The following ETV6 variants were observed in gnomAD, a reference collection of about 807,000 sequenced individuals.
ETV6 encodes transcription factor ETV6.
In ETV6, 16 loss-of-function variants were observed where a neutral mutation model predicts 51.1. That is an observed-to-expected ratio of 0.31 (90% CI 0.21 to 0.48). The LOEUF (loss-of-function observed/expected upper bound fraction) is 0.48. Ranked by LOEUF, ETV6 falls within the 20% of genes least tolerant of loss-of-function variation. The pLI is 0.99. For missense variants in ETV6, 458 were observed against 594.8 expected (o/e 0.77, Z 2.39); for synonymous variants, 240 against 224.1 (o/e 1.07, Z -0.64).
intron 1 of ETV6, among the ~76,000 whole-genome samples, chr12:11,669,416 T>TC (rs1864267200): frequency 2.2e-5 from 3 of 135,966 alleles, no homozygotes; most frequent in South Asian, 2.6e-4. Context: ...CCTCCCTTCC[T>TC]CCTTCCTTTC....
intron 1 of ETV6, among the ~76,000 whole-genome samples, chr12:11,690,127 G>A (rs1033229808): frequency 6.6e-6 from 1 of 151,736 alleles, no homozygotes; most frequent in East Asian, 1.9e-4. Flanking sequence ...CACTGCAGAC[G>A]CCAGGAAGAA....
intron 1 of ETV6, among the ~76,000 whole-genome samples, chr12:11,722,425 T>C (rs1865404992): frequency 6.6e-6 from 1 of 152,204 alleles, no homozygotes. Flanking sequence ...CTGCTAGGCA[T>C]TGTTGGAAGC....
chr12:11,763,654 T>C (rs1036408175), intron 2 of ETV6, among the ~76,000 whole-genome samples: 2 of 152,256 alleles, frequency 1.3e-5, no homozygotes, highest in Non-Finnish European at 2.9e-5. Flanking sequence ...GTCTTATAGC[T>C]GTTATTCCAG....
intron 3 of ETV6, among the ~76,000 whole-genome samples, chr12:11,845,040 A>G (rs2136474248): frequency 6.6e-6 from 1 of 152,274 alleles, no homozygotes; most frequent in Middle Eastern, 3.4e-3. Flanking sequence ...CGTGTTGGCC[A>G]GGATGATCTC....
chr12:11,796,406 A>G (rs1945677226), intron 2 of ETV6, among the ~76,000 whole-genome samples: 1 of 152,218 alleles, frequency 6.6e-6, no homozygotes, highest in Non-Finnish European at 1.5e-5. Flanking sequence ...CCAACAGCCC[A>G]TAACAGATGA....
At chr12:11,784,862 ATTTTT>A (rs34004409) in intron 2 of ETV6, among the ~76,000 whole-genome samples, 20 of 85,758 alleles carry the variant, frequency 2.3e-4, no homozygotes, top group Non-Finnish European at 3.6e-4. Context: ...TGCCTTGCTA[ATTTTT>A]TTTTTTTTTT....
rs1448066323 is a variant in ETV6, at chr12:11,650,485, AAAAAAAAAAACAAAAAAC to A, written c.33+336_33+353del. Reference sequence around the variant, plus strand: ...CACCCCCGTAATTAGTGCGCTTAAAAAAAAAAAAAACAAAAAACAAAAAAAAAAAACCTGCTCCCTATT... The same window carrying A: ...CACCCCCGTAATTAGTGCGCTTAAAAAAAAAAAAAAAACCTGCTCCCTATT... On this transcript the variant is annotated intron_variant, in intron 1 of 7. Transcript: ENST00000396373. Among the ~76,000 whole-genome samples, 21 of 64,580 alleles carry A rather than the reference AAAAAAAAAAACAAAAAAC, an allele frequency of 3.3e-4. 2 individuals carry two copies. Among genetic ancestry groups the A allele is most frequent in the African/African-American group, 4.0e-4 (9 of 22,714 alleles). 42.4% of individuals were successfully genotyped at this position (64,580 alleles called of 152,430 possible). A position where few individuals can be genotyped will look rare whatever the true frequency, so the allele number is the denominator to read the frequency against.
chr12:11,842,217 G>A (rs1946402617), intron 3 of ETV6, among the ~76,000 whole-genome samples: 1 of 152,064 alleles, frequency 6.6e-6, no homozygotes, highest in African/African-American at 2.4e-5. Flanking sequence ...TCTCCGGCTT[G>A]TCTGATTGCC....
intron 2 of ETV6, among the ~76,000 whole-genome samples, chr12:11,753,951 G>A (rs1944960172): frequency 6.6e-6 from 1 of 152,162 alleles, no homozygotes; most frequent in African/African-American, 2.4e-5. Context: ...AAGGAGGTTC[G>A]AACTGTAAAG....
intron 1 of ETV6, among the ~76,000 whole-genome samples, chr12:11,687,771 A>G (rs755723779): frequency 1.1e-4 from 16 of 152,242 alleles, no homozygotes; most frequent in Non-Finnish European, 1.5e-4. Flanking sequence ...GAGAGAAGCC[A>G]TATGTGTAAG....
chr12:11,818,758 GCCTTGGGGTGT>G (rs745349825), intron 2 of ETV6, among the ~76,000 whole-genome samples: 95 of 152,208 alleles, frequency 6.2e-4, no homozygotes, highest in Non-Finnish European at 1.1e-3. Context: ...TGCTTCTCAA[GCCTTGGGGTGT>G]CCCTGGTTCT....
intron 1 of ETV6, among the ~76,000 whole-genome samples, chr12:11,712,208 A>G (rs1323978167): frequency 6.6e-6 from 1 of 152,218 alleles, no homozygotes; most frequent in Non-Finnish European, 1.5e-5. Flanking sequence ...AAAGTGAAGT[A>G]CATTCCTTTC....
intron 5 of ETV6, among the ~76,000 whole-genome samples, chr12:11,871,772 T>C (rs1453923526): frequency 1.3e-5 from 2 of 152,238 alleles, no homozygotes; most frequent in Non-Finnish European, 2.9e-5. Context: ...AGCTAGTGGC[T>C]ATATGTCTGG....
At chr12:11,784,492 C>T (rs938033992) in intron 2 of ETV6, among the ~76,000 whole-genome samples, 22 of 150,734 alleles carry the variant, frequency 1.5e-4, no homozygotes, top group African/African-American at 5.1e-4. Flanking sequence ...GAATTTAACA[C>T]AGGAGGAGCA....
intron 2 of ETV6, chr12:11,825,742 C>T (rs569657669): frequency 6.6e-6 from 1 of 151,436 alleles, no homozygotes; most frequent in East Asian, 1.9e-4. Context: ...ATTTGAATTT[C>T]GTTGTTTCAT....
intron 1 of ETV6, among the ~76,000 whole-genome samples, chr12:11,680,705 G>A (rs946358823): frequency 3.9e-5 from 6 of 152,162 alleles, no homozygotes; most frequent in Non-Finnish European, 8.8e-5. Context: ...TTCCCCAGGC[G>A]TTGGTGATCT....
At chr12:11,779,862 C>A (rs1162323562) in intron 2 of ETV6, among the ~76,000 whole-genome samples, 1 of 152,176 alleles carries the variant, frequency 6.6e-6, no homozygotes, top group Non-Finnish European at 1.5e-5. Context: ...AAGAGAATTG[C>A]TGAGAAGTAA....
At chr12:11,851,246 T>C (rs942331790) in intron 3 of ETV6, among the ~76,000 whole-genome samples, 6 of 151,812 alleles carry the variant, frequency 4.0e-5, no homozygotes, top group Middle Eastern at 3.4e-3. Context: ...TTTTTTTTTT[T>C]AGTAATAGTA....
intron 1 of ETV6, among the ~76,000 whole-genome samples, chr12:11,709,350 C>T (rs1347069198): frequency 6.6e-6 from 1 of 151,804 alleles, no homozygotes; most frequent in Non-Finnish European, 1.5e-5. Flanking sequence ...CTCTCCTCCT[C>T]TCCTCTCCTC....
Sources: gnomAD v4.1 joint callset for allele counts (sites outside exome capture counted in the v4.1 genomes callset) on GRCh38, gnomAD v4.1.1 for gene constraint, MANE v1.5 for transcripts, NCBI Gene and HGNC (gene_info 2026-07-23, HGNC 2026-07-21) for gene names.